Variants in CADPS observed in about 807,000 individuals in gnomAD.
CADPS encodes calcium-dependent secretion activator 1.
In CADPS, 57 loss-of-function variants were observed where a neutral mutation model predicts 167.3. The observed-to-expected ratio is 0.34, with a 90% CI of 0.28 to 0.42. The LOEUF is 0.42. Among genes scored for constraint, CADPS ranks in the 20% least tolerant of loss-of-function variants. The pLI is 1.00. For missense variants in CADPS, 1,414 were observed against 1,738.1 expected, an observed-to-expected ratio of 0.81 and a Z score of 3.32; for synonymous variants, 676 against 635.3, an observed-to-expected ratio of 1.06 and a Z score of -0.96.
At chr3:62,490,049 AG>A (rs577261550) in intron 21 of CADPS, among the ~76,000 whole-genome samples, 94 of 152,272 alleles carry the variant, frequency 6.2e-4, no homozygotes, top group African/African-American at 2.1e-3. Context: ...CAGATGTGGA[AG>A]GGGGGCAGAA....
chr3:62,710,993 C>G (rs1391996726), intron 3 of CADPS, among the ~76,000 whole-genome samples: 1 of 152,082 alleles, frequency 6.6e-6, no homozygotes, highest in Non-Finnish European at 1.5e-5. Context: ...CCCCCAGAAG[C>G]CAGTCACTGT....
chr3:62,821,929 G>C (rs1429881070), intron 1 of CADPS, among the ~76,000 whole-genome samples: 1 of 152,110 alleles, frequency 6.6e-6, no homozygotes, highest in Non-Finnish European at 1.5e-5. Flanking sequence ...TGTGGTTCTA[G>C]GAATGAGGTC....
chr3:62,455,368 G>A lies in CADPS; in HGVS notation c.3637-9571C>T, dbSNP rs1038811945. On this transcript the variant is annotated intron_variant, in intron 26 of 29. Transcript: ENST00000383710. The surrounding 1 kb of genome is among the most constrained non-coding windows in gnomAD (Gnocchi z 4.4). ...TTATAAGGAATTCACCCTCACAATG[G>A]TGGGCGTGAAATTCTCATTGCTTAC... is the stretch of plus-strand genomic sequence containing the variant. Among the ~76,000 whole-genome samples the A allele has an allele frequency of 1.3e-5, 2 of 152,024 alleles. No homozygotes were observed. Among genetic ancestry groups the A allele is most frequent in the African/African-American group, 2.4e-5 (1 of 41,376 alleles).
chr3:62,776,601 T>C (rs7648128), intron 1 of CADPS, among the ~76,000 whole-genome samples: 66,448 of 151,742 alleles, frequency 0.44, 16,780 homozygotes, highest in East Asian at 0.82. Flanking sequence ...TTGCAGTGAG[T>C]GGAGATTGCG....
intron 1 of CADPS, among the ~76,000 whole-genome samples, chr3:62,815,648 T>G (rs2094578322): frequency 6.6e-6 from 1 of 152,170 alleles, no homozygotes; most frequent in South Asian, 2.1e-4. Context: ...GTGTTTCTGT[T>G]AAAAATTGGT....
At chr3:62,608,366 T>C (rs757250667) in intron 6 of CADPS, among the ~76,000 whole-genome samples, 2 of 150,230 alleles carry the variant, frequency 1.3e-5, no homozygotes, top group Non-Finnish European at 3.0e-5. Context: ...CACGTCAACC[T>C]CCACCTCCCG....
intron 13 of CADPS, chr3:62,530,757 T>A (rs2073465002): frequency 1.3e-5 from 17 of 1,289,204 alleles, no homozygotes; most frequent in Non-Finnish European, 1.6e-5. Context: ...GGAGTTTTGC[T>A]CCCTTCAGGG....
At chr3:62,506,320 G>A (rs191586983) in intron 17 of CADPS, among the ~76,000 whole-genome samples, 3 of 152,168 alleles carry the variant, frequency 2.0e-5, no homozygotes, top group Non-Finnish European at 4.4e-5. Context: ...CCCGGGAGGC[G>A]GAGGTTGCAG....
intron 4 of CADPS, among the ~76,000 whole-genome samples, chr3:62,661,437 AGCCTGGAAAGG>A (rs2073178568): frequency 6.6e-6 from 1 of 152,142 alleles, no homozygotes; most frequent in African/African-American, 2.4e-5. Context: ...AAAGACACCA[AGCCTGGAAAGG>A]GCCTGGTATA....
rs1441022568 is a variant in CADPS, at chr3:62,875,280, A to C, written c.-251T>G. The C allele has an allele frequency of 7.1e-6, 2 of 281,364 alleles. No homozygotes were observed. Among genetic ancestry groups the C allele is most frequent in the East Asian group, 1.3e-4 (2 of 15,728 alleles). 17.4% of individuals were successfully genotyped at this position (281,364 alleles called of 1,614,324 possible). On this transcript the variant is annotated 5_prime_UTR_variant, in exon 1 of 30. Transcript: ENST00000383710. ...TGCGTCCGTGGACTCGAGGTGGGCA[A>C]GGGGGAGAATCAATTGCGAGCCCCG...
In CADPS at chr3:62,753,254, A is replaced by G. The variant is rs2083107113; in HGVS notation, c.888+187T>C. Among the ~76,000 whole-genome samples, 1 of 152,162 alleles carries G rather than the reference A, an allele frequency of 6.6e-6. No individual in the cohort carries two copies. The highest frequency in any genetic ancestry group is 2.4e-5 in the African/African-American group (1 of 41,434). On this transcript the variant is annotated intron_variant, in intron 3 of 29. Coordinates refer to ENST00000383710, the MANE Select transcript of CADPS (RefSeq NM_003716.4). The surrounding 1 kb of genome is among the most constrained non-coding windows in gnomAD (Gnocchi z 4.6). ...AAGGGCTCATAAAAATGTTTTATTT[A>G]TTTATTTTTTAAATCAGAAGAAAAG...
At chr3:62,562,137 T>G (rs1363700353) in intron 9 of CADPS, among the ~76,000 whole-genome samples, 1 of 152,176 alleles carries the variant, frequency 6.6e-6, no homozygotes, top group Non-Finnish European at 1.5e-5. Context: ...AGATGGGTGG[T>G]TGGGCAAGGA....
intron 1 of CADPS, among the ~76,000 whole-genome samples, chr3:62,784,178 T>A (rs1409574198): frequency 6.6e-6 from 1 of 152,216 alleles, no homozygotes; most frequent in Non-Finnish European, 1.5e-5. Context: ...TGGCCATAGA[T>A]GGTTTAAGAA....
At chr3:62,790,923 C>G (rs759842399) in intron 1 of CADPS, among the ~76,000 whole-genome samples, 2 of 151,446 alleles carry the variant, frequency 1.3e-5, no homozygotes, top group Non-Finnish European at 2.9e-5. Flanking sequence ...CTTTTGTTAC[C>G]GTCATGATAA....
intron 6 of CADPS, among the ~76,000 whole-genome samples, chr3:62,629,977 G>T (rs2149677769): frequency 6.6e-6 from 1 of 152,190 alleles, no homozygotes; most frequent in African/African-American, 2.4e-5. Context: ...CATCACACCA[G>T]TGATTTCCCA....
chr3:62,689,517 G>T (rs926690096), intron 3 of CADPS, among the ~76,000 whole-genome samples: 1 of 152,016 alleles, frequency 6.6e-6, no homozygotes, highest in African/African-American at 2.4e-5. Context: ...GTGTCCTGGG[G>T]CTCCCCGAAT....
At chr3:62,843,047 G>A (rs2076868694) in intron 1 of CADPS, among the ~76,000 whole-genome samples, 1 of 149,502 alleles carries the variant, frequency 6.7e-6, no homozygotes, top group South Asian at 2.2e-4. Flanking sequence ...AAATTTAGTG[G>A]CACTATCAAG....
At position 62,433,645 on chromosome 3, in the gene CADPS, C is replaced by G. The variant is rs990312341; in HGVS notation, c.3777+4459G>C. On this transcript the variant is annotated intron_variant, in intron 28 of 29. Transcript: ENST00000383710. This position sits in a 1 kb window ranked among gnomAD's most constrained non-coding sequence, Gnocchi z 4.7. Reference sequence around the variant, plus strand: ...CATTACTACCAATGTGGATTCCATCCAAGTTCGAGATGGCTTTTTAATCAC... The same window carrying G: ...CATTACTACCAATGTGGATTCCATCGAAGTTCGAGATGGCTTTTTAATCAC... Among the ~76,000 whole-genome samples, 2 of 152,254 alleles carry G rather than the reference C, an allele frequency of 1.3e-5. No homozygotes were observed. The highest frequency in any genetic ancestry group is 3.4e-3 in the Middle Eastern group (1 of 294).
At chr3:62,457,992 G>T (rs977093283) in intron 26 of CADPS, among the ~76,000 whole-genome samples, 4 of 152,086 alleles carry the variant, frequency 2.6e-5, no homozygotes, top group Non-Finnish European at 5.9e-5. Flanking sequence ...ATGACGGGTT[G>T]ATGGGTGCAG....
Sources: gnomAD v4.1 joint callset for allele counts (sites outside exome capture counted in the v4.1 genomes callset) on GRCh38, gnomAD v4.1.1 for gene constraint, Gnocchi (gnomAD v3.1) non-coding constraint, MANE v1.5 for transcripts, NCBI Gene and HGNC (gene_info 2026-07-23, HGNC 2026-07-21) for gene names.